Variants in RABGAP1L observed in about 807,000 individuals in gnomAD.
The protein encoded by RABGAP1L is RAB GTPase activating protein 1 like, also known as rab GTPase-activating protein 1-like.
Under a neutral mutation model 137.7 loss-of-function variants are expected in RABGAP1L, and 63 were observed. The ratio of observed to expected loss-of-function variants is 0.46; its 90% CI spans 0.37 to 0.56. RABGAP1L has a LOEUF of 0.56. Ranked by LOEUF, RABGAP1L falls within the 20% of genes least tolerant of loss-of-function variation. The pLI is 0.00. For synonymous variants in RABGAP1L, 431 were observed against 433.7 expected, an observed-to-expected ratio of 0.99 and a Z score of 0.08; for missense variants, 1,095 against 1,244.0, an observed-to-expected ratio of 0.88 and a Z score of 1.80.
At chr1:174,282,858 G>T (rs1432398852) in intron 10 of RABGAP1L, among the ~76,000 whole-genome samples, 1 of 152,110 alleles carries the variant, frequency 6.6e-6, no homozygotes, top group Non-Finnish European at 1.5e-5. Flanking sequence ...TTGTTGAAAA[G>T]ACTCTTTTAT....
Position 174,921,471 on chromosome 1 carries a change from C to T in RABGAP1L, c.2341-35986C>T, listed in dbSNP as rs928951735. The stretch of plus-strand genomic sequence containing the variant: ...AGACATATAATAAAGGTGTACAATT[C>T]TTCAAGGTAAAAATACCTCCACATG... On this transcript the variant is annotated intron_variant, in intron 19 of 25. Coordinates refer to ENST00000681986, the MANE Select transcript of RABGAP1L (RefSeq NM_001366446.1). Among the ~76,000 whole-genome samples the T allele has an allele frequency of 3.3e-5, 5 of 152,288 alleles. No homozygotes were observed. In the East Asian group the frequency reaches 9.6e-4, roughly 29 times the overall value.
chr1:174,482,925 GATAA>G (rs769493106), intron 13 of RABGAP1L, among the ~76,000 whole-genome samples: 15 of 152,070 alleles, frequency 9.9e-5, no homozygotes, highest in South Asian at 2.1e-4. Flanking sequence ...AAATAGAATT[GATAA>G]ATAAAGAGAA....
At position 174,756,346 on chromosome 1, in the gene RABGAP1L, C is replaced by T. The variant is rs548474966; in HGVS notation, c.2211+3992C>T. Among the ~76,000 whole-genome samples, 12 of 152,208 alleles carry T rather than the reference C, an allele frequency of 7.9e-5. No individual in the cohort carries two copies. In the East Asian group the frequency reaches 2.3e-3, roughly 29 times the overall value. On this transcript the variant is annotated intron_variant, in intron 18 of 25. Transcript: ENST00000681986. The stretch of plus-strand genomic sequence containing the variant: ...TGTATTTTTAGTAGAGACGGGGTTT[C>T]ACCATGTTGGCCAGGCTGGTCTCGA...
chr1:174,597,162 G>A (rs1433862891), intron 13 of RABGAP1L, among the ~76,000 whole-genome samples: 2 of 152,052 alleles, frequency 1.3e-5, no homozygotes, highest in Non-Finnish European at 2.9e-5. Context: ...CGTCAGAAAT[G>A]TTGGCCTGGA....
intron 19 of RABGAP1L, among the ~76,000 whole-genome samples, chr1:174,822,895 C>T (rs971509819): frequency 6.6e-6 from 1 of 152,176 alleles, no homozygotes; most frequent in Non-Finnish European, 1.5e-5. Context: ...CAGTCATTTT[C>T]TGGCAGTTCA....
chr1:174,491,142 T>A (rs1660187537), intron 13 of RABGAP1L, among the ~76,000 whole-genome samples: 1 of 151,746 alleles, frequency 6.6e-6, no homozygotes, highest in Non-Finnish European at 1.5e-5. Flanking sequence ...GTAGATGGAG[T>A]CTGTCATCAT....
chr1:174,522,153 C>T (rs1663457739), intron 13 of RABGAP1L, among the ~76,000 whole-genome samples: 1 of 151,976 alleles, frequency 6.6e-6, no homozygotes, highest in African/African-American at 2.4e-5. Context: ...ACAGTAAAGC[C>T]TCTCCTACTT....
rs77948990 is a variant in RABGAP1L, at chr1:174,669,658, T to A, written c.1825-13864T>A. On this transcript the variant is annotated intron_variant, in intron 14 of 25. Transcript: ENST00000681986. ...TCCATTTAGAGTTTATTTTTGCAAA[T>A]GGTGAGAGATAAGGGTCTAGCTTTA... Among the ~76,000 whole-genome samples, 135 of 152,282 alleles carry A rather than the reference T, an allele frequency of 8.9e-4. 1 individual carries two copies. The East Asian group carries it at 0.021, about 23-fold the overall frequency.
chr1:174,923,147 GA>G (rs61592378), intron 19 of RABGAP1L, among the ~76,000 whole-genome samples: 72 of 130,276 alleles, frequency 5.5e-4, no homozygotes, highest in South Asian at 7.4e-4. Context: ...CCCTATCTCA[GA>G]AAAAAAAAAA....
chr1:174,393,502 C>T (rs1647422583), intron 12 of RABGAP1L, among the ~76,000 whole-genome samples: 1 of 152,092 alleles, frequency 6.6e-6, no homozygotes, highest in East Asian at 1.9e-4. Context: ...TGGAGTCTGT[C>T]TTTGGCACTT....
Position 174,823,841 on chromosome 1 carries a change from T to G in RABGAP1L, c.2340+11881T>G, listed in dbSNP as rs557698315. On this transcript the variant is annotated intron_variant, in intron 19 of 25. Transcript: ENST00000681986. ...CATAAATATGTACAATTATTATGTA[T>G]CAGTAAAAATAAATTAGAAATTGGC... Among the ~76,000 whole-genome samples the G allele has an allele frequency of 2.6e-5, 4 of 152,296 alleles. No individual in the cohort carries two copies. The South Asian group carries it at 8.3e-4, about 32-fold the overall frequency.
At chr1:174,693,432 G>A (rs992930810) in intron 15 of RABGAP1L, among the ~76,000 whole-genome samples, 2 of 152,272 alleles carry the variant, frequency 1.3e-5, no homozygotes, top group Middle Eastern at 6.8e-3. Flanking sequence ...AAAAACAAAA[G>A]TAATAAGTAC....
intron 10 of RABGAP1L, among the ~76,000 whole-genome samples, chr1:174,287,896 T>C (rs1312773035): frequency 6.6e-6 from 1 of 152,206 alleles, no homozygotes; most frequent in Non-Finnish European, 1.5e-5. Flanking sequence ...TGTAGTCCTT[T>C]GTTCCTTTCT....
chr1:174,771,043 A>G (rs1264220066), intron 18 of RABGAP1L, among the ~76,000 whole-genome samples: 1 of 152,184 alleles, frequency 6.6e-6, no homozygotes, highest in East Asian at 1.9e-4. Flanking sequence ...ACTAGTAAAC[A>G]TTTTCCAAAG....
chr1:174,544,038 TA>T (rs1246648683), intron 13 of RABGAP1L, among the ~76,000 whole-genome samples: 1 of 152,168 alleles, frequency 6.6e-6, no homozygotes, highest in Non-Finnish European at 1.5e-5. Context: ...TTTTTTCCTT[TA>T]TTTCAACTTT....
intron 13 of RABGAP1L, among the ~76,000 whole-genome samples, chr1:174,418,231 C>G (rs189704409): frequency 6.6e-6 from 1 of 152,184 alleles, no homozygotes; most frequent in East Asian, 1.9e-4. Flanking sequence ...TAGTTTGACA[C>G]TTGAATTACC....
At chr1:174,863,542 G>A (rs926520199) in intron 19 of RABGAP1L, among the ~76,000 whole-genome samples, 25 of 151,502 alleles carry the variant, frequency 1.7e-4, no homozygotes, top group African/African-American at 3.6e-4. Context: ...GCATGGTGGC[G>A]GACGCCTGTA....
intron 19 of RABGAP1L, among the ~76,000 whole-genome samples, chr1:174,824,329 A>T (rs1691350578): frequency 2.0e-5 from 3 of 151,596 alleles, no homozygotes; most frequent in Admixed American, 2.0e-4. Flanking sequence ...ATATCTATAT[A>T]TATATTAGTA....
chr1:174,574,840 C>G (rs903164166), intron 13 of RABGAP1L, among the ~76,000 whole-genome samples: 7 of 152,112 alleles, frequency 4.6e-5, no homozygotes, highest in Non-Finnish European at 1.0e-4. Flanking sequence ...TTCATTGTAC[C>G]TAAGAAATCA....
Sources: gnomAD v4.1 joint callset for allele counts (sites outside exome capture counted in the v4.1 genomes callset) on GRCh38, gnomAD v4.1.1 for gene constraint, MANE v1.5 for transcripts, NCBI Gene and HGNC (gene_info 2026-07-23, HGNC 2026-07-21) for gene names.